Variants in PLAGL1 observed in about 807,000 individuals in gnomAD.
PLAGL1 encodes the protein PLAG1 like zinc finger 1, also known as zinc finger protein PLAGL1.
In PLAGL1, 1 loss-of-function variant was observed where a neutral mutation model predicts 4.6. The observed-to-expected ratio is 0.22, with a 90% CI of 0.08 to 1.03. The LOEUF (loss-of-function observed/expected upper bound fraction) is 1.03. Ranked by LOEUF, PLAGL1 falls within the 50% of genes least tolerant of loss-of-function variation. PLAGL1 has a pLI of 0.58. For synonymous variants in PLAGL1, 240 were observed against 237.8 expected, an observed-to-expected ratio of 1.01 and a Z score of -0.08; for missense variants, 464 against 570.4, an observed-to-expected ratio of 0.81 and a Z score of 1.90.
intron 2 of PLAGL1, among the ~76,000 whole-genome samples, chr6:143,980,383 T>C (rs1319121517): frequency 2.3e-5 from 3 of 132,908 alleles, no homozygotes; most frequent in Non-Finnish European, 3.3e-5. Context: ...ATTCACTTTT[T>C]TCTAGTTTTT....
In PLAGL1 at chr6:144,040,776, G is replaced by A. The variant is rs150277297; in HGVS notation, c.-151+23692C>T. Among the ~76,000 whole-genome samples, 816 of 152,322 alleles carry A rather than the reference G, an allele frequency of 5.4e-3. 1 individual carries two copies. Among genetic ancestry groups the A allele is most frequent in the Middle Eastern group, 0.014 (4 of 294 alleles). The stretch of plus-strand genomic sequence containing the variant: ...TAATCCCAGCTACTTGGGAGGCTGA[G>A]ACAGGAGAATTGCTTGAACCTGGGA... On this transcript the variant is annotated intron_variant, in intron 1 of 3. Transcript: ENST00000437412.
At position 144,005,886 on chromosome 6, in the gene PLAGL1, G is replaced by GT. The variant is rs1483977568; in HGVS notation, c.-584+2203dup. ...GAAATTATTGAGGTAAATACAATAT[G>GT]TTAGCATTTTAAAACGCTGAAAGTC... is the stretch of plus-strand genomic sequence containing the variant. On this transcript the variant is annotated intron_variant, in intron 1 of 7. Transcript: ENST00000674357. This position sits in a 1 kb window ranked among gnomAD's most constrained non-coding sequence, Gnocchi z 4.6. The GT allele has an allele frequency of 2.6e-5, 4 of 151,968 alleles. No homozygotes were observed. Among genetic ancestry groups the GT allele is most frequent in the African/African-American group, 9.7e-5 (4 of 41,418 alleles). 9.4% of individuals were successfully genotyped at this position (151,968 alleles called of 1,614,324 possible).
rs1785743149 is a variant in PLAGL1, at chr6:143,973,138, C to A, written c.-543-4160G>T. 6.6e-6 allele frequency among the ~76,000 whole-genome samples: 1 copy of A among 152,160 alleles called. No homozygotes were observed. The highest frequency in any genetic ancestry group is 1.5e-5 in the Non-Finnish European group (1 of 68,040). On this transcript the variant is annotated intron_variant, in intron 2 of 7. Transcript: ENST00000674357. The surrounding 1 kb of genome is among the most constrained non-coding windows in gnomAD (Gnocchi z 6.2). ...GTCAATAAACAGAGGCAGTGAATTC[C>A]CCACGGCTTCACAAAGCTAGTTAGG...
chr6:144,059,130 G>C lies in PLAGL1; in HGVS notation c.-151+5338C>G, dbSNP rs1420768025. On this transcript the variant is annotated intron_variant, in intron 1 of 3. Coordinates refer to the PLAGL1 transcript ENST00000437412. The surrounding 1 kb of genome is among the most constrained non-coding windows in gnomAD (Gnocchi z 4.9). ...TTCTGATATGTCATTGGAAATATAGGTGGAAGCTGCCAAGCCTCCTTCATT... is the reference window on the plus strand; with the variant it reads ...TTCTGATATGTCATTGGAAATATAGCTGGAAGCTGCCAAGCCTCCTTCATT... 1.3e-5 allele frequency among the ~76,000 whole-genome samples: 2 copies of C among 152,232 alleles called. No homozygotes were observed. The highest frequency in any genetic ancestry group is 2.4e-5 in the African/African-American group (1 of 41,454).
Position 144,050,389 on chromosome 6 carries a change from C to T in PLAGL1, c.-151+14079G>A, listed in dbSNP as rs186718490. On this transcript the variant is annotated intron_variant, in intron 1 of 3. Transcript: ENST00000437412. This position sits in a 1 kb window ranked among gnomAD's most constrained non-coding sequence, Gnocchi z 4.3. Reference sequence around the variant, plus strand: ...TTGATACCAGCAACCAGGGCTTGCTCGGCTTTCCTGCCCAAATCCCTTCTC... The same window carrying T: ...TTGATACCAGCAACCAGGGCTTGCTTGGCTTTCCTGCCCAAATCCCTTCTC... 3.9e-5 allele frequency among the ~76,000 whole-genome samples: 6 copies of T among 152,290 alleles called. No individual in the cohort carries two copies. Among genetic ancestry groups the T allele is most frequent in the East Asian group, 3.9e-4 (2 of 5,186 alleles).
chr6:143,980,932 T>G (rs775710488), intron 2 of PLAGL1, among the ~76,000 whole-genome samples: 3 of 152,236 alleles, frequency 2.0e-5, no homozygotes, highest in South Asian at 2.1e-4. Context: ...CCTATTTCTA[T>G]AAATAAAATT....
intron 2 of PLAGL1, among the ~76,000 whole-genome samples, chr6:143,977,470 C>CTTTTTTTTTTTTTTTTTTTTTTTTTTTTT (rs34750629): frequency 7.2e-5 from 5 of 69,338 alleles, no homozygotes; most frequent in African/African-American, 1.2e-4. Context: ...TCTTCTTCTT[C>CTTTTTTTTTTTTTTTTTTTTTTTTTTTTT]TTTTTTTTTT....
In PLAGL1 at chr6:144,059,630, G is replaced by A. The variant is rs1583923259; in HGVS notation, c.-151+4838C>T. 6.6e-6 allele frequency among the ~76,000 whole-genome samples: 1 copy of A among 152,308 alleles called. No individual in the cohort carries two copies. The highest frequency in any genetic ancestry group is 1.9e-4 in the East Asian group (1 of 5,190). On this transcript the variant is annotated intron_variant, in intron 1 of 3. Transcript: ENST00000437412. This position sits in a 1 kb window ranked among gnomAD's most constrained non-coding sequence, Gnocchi z 4.9. Reference sequence around the variant, plus strand: ...GATATTTTTAATATATTTAGGAAATGTATTCAGCAAAACTATTCAGCAAAT... The same window carrying A: ...GATATTTTTAATATATTTAGGAAATATATTCAGCAAAACTATTCAGCAAAT...
rs1173496345 is a variant in PLAGL1 at position 143,953,021 on chromosome 6, C to T, written c.-324-4561G>A. Among the ~76,000 whole-genome samples, 1 of 152,264 alleles carries T rather than the reference C, an allele frequency of 6.6e-6. No homozygotes were observed. The highest frequency in any genetic ancestry group is 1.5e-5 in the Non-Finnish European group (1 of 68,046). On this transcript the variant is annotated intron_variant, in intron 6 of 7. Coordinates refer to ENST00000674357, the MANE Select transcript of PLAGL1 (RefSeq NM_001317162.2). The surrounding 1 kb of genome is among the most constrained non-coding windows in gnomAD (Gnocchi z 5.3). ...ATGGCCGGAAGGCAAGGCCAAGGAT[C>T]ACTCCACTTGCTGTTTCCTTAAAGT...
chr6:144,012,418 G>A (rs981719798), upstream of PLAGL1, among the ~76,000 whole-genome samples: 4 of 151,964 alleles, frequency 2.6e-5, no homozygotes, highest in South Asian at 8.3e-4. This position sits in a 1 kb window ranked among gnomAD's most constrained non-coding sequence, Gnocchi z 4.8. Context: ...GGGGGTGCTG[G>A]GTTGGGGGGA....
intron 2 of PLAGL1, among the ~76,000 whole-genome samples, chr6:143,981,840 A>C (rs139441722): frequency 4.6e-5 from 7 of 152,332 alleles, no homozygotes; most frequent in African/African-American, 1.7e-4. Flanking sequence ...TCAGTCAGCA[A>C]CTAGAGAAGG....
At chr6:144,020,861 T>C (rs1344399019) in intron 1 of PLAGL1, among the ~76,000 whole-genome samples, 3 of 146,348 alleles carry the variant, frequency 2.0e-5, no homozygotes, top group Non-Finnish European at 4.5e-5. Flanking sequence ...ATAATTACTA[T>C]AATATAAAAT....
chr6:143,998,904 G>A (rs1792250263), intron 1 of PLAGL1, among the ~76,000 whole-genome samples: 2 of 152,272 alleles, frequency 1.3e-5, no homozygotes, highest in Non-Finnish European at 2.9e-5. Flanking sequence ...TGAGAAATCG[G>A]AGAAGGCCAG....
At chr6:144,033,520 G>A (rs1796988413) in intron 1 of PLAGL1, among the ~76,000 whole-genome samples, 3 of 152,212 alleles carry the variant, frequency 2.0e-5, no homozygotes, top group Admixed American at 6.5e-5. Context: ...GACAGGAAAG[G>A]TGGTACCAGT....
intron 1 of PLAGL1, among the ~76,000 whole-genome samples, chr6:144,029,491 G>A (rs1280074162): frequency 1.3e-5 from 2 of 152,162 alleles, no homozygotes; most frequent in Non-Finnish European, 2.9e-5. Flanking sequence ...ACAAAGAATA[G>A]GAAAAGACAC....
Position 144,027,291 on chromosome 6 carries a change from G to GAAAGAAAGAAAGAA in PLAGL1, c.-151+37176_-151+37177insTTCTTTCTTTCTTT, listed in dbSNP as rs1562587706. ...AGAAAGAAAGAAAGAAAGAAAGAAA[G>GAAAGAAAGAAAGAA]AAAGTTATTTGATCTGAAGTACAAT... On this transcript the variant is annotated intron_variant, in intron 1 of 3. Coordinates refer to the PLAGL1 transcript ENST00000437412. This position sits in a 1 kb window ranked among gnomAD's most constrained non-coding sequence, Gnocchi z 5.8. Among the ~76,000 whole-genome samples the GAAAGAAAGAAAGAA allele has an allele frequency of 6.8e-6, 1 of 147,826 alleles. No homozygotes were observed. The highest frequency in any genetic ancestry group is 2.5e-5 in the African/African-American group (1 of 40,508).
In PLAGL1 at chr6:143,968,622, A is replaced by G. The variant is rs1342251061; in HGVS notation, c.-472+285T>C. 6.6e-6 allele frequency: 1 copy of G among 152,238 alleles called. No homozygotes were observed. Among genetic ancestry groups the G allele is most frequent in the Non-Finnish European group, 1.5e-5 (1 of 68,046 alleles). The allele number at this position is 152,238 out of a possible 1,614,324, so 9.4% of individuals were successfully genotyped here. A position where few individuals can be genotyped will look rare whatever the true frequency, so the allele number is the denominator to read the frequency against. ...TCTAATTTAAGACAGATAAATAGCAATGATCGTTCTTAGCGTGTCCTCTTG... is the reference window on the plus strand; with the variant it reads ...TCTAATTTAAGACAGATAAATAGCAGTGATCGTTCTTAGCGTGTCCTCTTG... On this transcript the variant is annotated intron_variant, in intron 3 of 7. Coordinates refer to ENST00000674357, the MANE Select transcript of PLAGL1 (RefSeq NM_001317162.2). This position sits in a 1 kb window ranked among gnomAD's most constrained non-coding sequence, Gnocchi z 6.3.
chr6:144,033,528 A>G (rs921791573), intron 1 of PLAGL1, among the ~76,000 whole-genome samples: 4 of 152,246 alleles, frequency 2.6e-5, no homozygotes, highest in East Asian at 1.9e-4. Flanking sequence ...AGGTGGTACC[A>G]GTGAGAGTTC....
In PLAGL1 at chr6:143,952,070, G is replaced by T. The variant is rs1288715311; in HGVS notation, c.-324-3610C>A. Among the ~76,000 whole-genome samples the T allele has an allele frequency of 6.6e-6, 1 of 152,038 alleles. No individual in the cohort carries two copies. Among genetic ancestry groups the T allele is most frequent in the South Asian group, 2.1e-4 (1 of 4,816 alleles). ...CTGTCTACCCCAACAGACTATAAACGCTTTGTGGCTGAGGGTCAAAGCTTA... is the reference window on the plus strand; with the variant it reads ...CTGTCTACCCCAACAGACTATAAACTCTTTGTGGCTGAGGGTCAAAGCTTA... On this transcript the variant is annotated intron_variant, in intron 6 of 7. Transcript: ENST00000674357. The surrounding 1 kb of genome is among the most constrained non-coding windows in gnomAD (Gnocchi z 6.1).
Sources: gnomAD v4.1 joint callset for allele counts (sites outside exome capture counted in the v4.1 genomes callset) on GRCh38, gnomAD v4.1.1 for gene constraint, Gnocchi (gnomAD v3.1) non-coding constraint, MANE v1.5 for transcripts, NCBI Gene and HGNC (gene_info 2026-07-23, HGNC 2026-07-21) for gene names.